The following PALLD variants were observed in gnomAD, a reference collection of about 807,000 sequenced individuals.
The protein encoded by PALLD is palladin, cytoskeletal associated protein.
Under a neutral mutation model 123.5 loss-of-function variants are expected in PALLD, and 61 were observed. The ratio of observed to expected loss-of-function variants is 0.49; its 90% CI spans 0.40 to 0.61. PALLD has a LOEUF of 0.61. Ranked by LOEUF, PALLD falls within the 20% of genes least tolerant of loss-of-function variation. The pLI, the probability that PALLD is intolerant of heterozygous loss-of-function variation, is 0.00. For synonymous variants in PALLD, 465 were observed against 496.4 expected (o/e 0.94, Z 0.84); for missense variants, 1,273 against 1,377.0 (o/e 0.92, Z 1.20).
intron 2 of PALLD, chr4:168,631,852 A>G (rs938819207): frequency 1.0e-6 from 1 of 985,380 alleles, no homozygotes; most frequent in Non-Finnish European, 1.2e-6. Flanking sequence ...AAGACCCCCA[A>G]GAGGAGCTTG....
chr4:168,568,639 A>G (rs1768655719), intron 2 of PALLD, among the ~76,000 whole-genome samples: 1 of 152,022 alleles, frequency 6.6e-6, no homozygotes, highest in South Asian at 2.1e-4. Context: ...CACTTTAGTG[A>G]TGGGGTTTGT....
At chr4:168,774,727 C>CAAA (rs56364164) in intron 10 of PALLD, among the ~76,000 whole-genome samples, 1 of 73,226 alleles carries the variant, frequency 1.4e-5, no homozygotes, top group Non-Finnish European at 2.6e-5. Flanking sequence ...GACTGCATCT[C>CAAA]AAAAAAAAAA....
intron 2 of PALLD, among the ~76,000 whole-genome samples, chr4:168,570,123 A>T (rs1400822134): frequency 6.6e-6 from 1 of 152,204 alleles, no homozygotes; most frequent in Non-Finnish European, 1.5e-5. Context: ...TTATTTACCG[A>T]GTACAAAGTA....
chr4:168,519,194 T>C (rs543521216), intron 2 of PALLD, among the ~76,000 whole-genome samples: 31 of 152,298 alleles, frequency 2.0e-4, no homozygotes, highest in Middle Eastern at 3.4e-3. Flanking sequence ...CAGTAACCTT[T>C]GAGATGAAGC....
intron 10 of PALLD, among the ~76,000 whole-genome samples, chr4:168,796,200 A>G (rs1738479345): frequency 6.6e-6 from 1 of 151,916 alleles, no homozygotes; most frequent in Admixed American, 6.6e-5. Flanking sequence ...CTTGCCCCCC[A>G]CTGTCCTTCC....
intron 2 of PALLD, among the ~76,000 whole-genome samples, chr4:168,560,720 G>T (rs1314034436): frequency 2.0e-5 from 3 of 152,156 alleles, no homozygotes; most frequent in Non-Finnish European, 1.5e-5. Context: ...TGAGTTCCTA[G>T]TAAGTGCCAG....
At chr4:168,503,407 T>C (rs1445001727) in intron 1 of PALLD, among the ~76,000 whole-genome samples, 1 of 152,088 alleles carries the variant, frequency 6.6e-6, no homozygotes. Context: ...CCCAGCACTT[T>C]GGGAGGCCAA....
chr4:168,520,939 T>C (rs988994248), intron 2 of PALLD, among the ~76,000 whole-genome samples: 3 of 152,240 alleles, frequency 2.0e-5, no homozygotes, highest in Non-Finnish European at 4.4e-5. Context: ...TAGTCATGAG[T>C]AGCAGTAGCT....
chr4:168,640,802 G>T (rs1324184694), intron 2 of PALLD, among the ~76,000 whole-genome samples: 1 of 152,220 alleles, frequency 6.6e-6, no homozygotes, highest in Non-Finnish European at 1.5e-5. Context: ...GCCCAGATTA[G>T]TACTTATGTT....
At chr4:168,651,587 C>G (rs1052230080) in intron 2 of PALLD, among the ~76,000 whole-genome samples, 1 of 150,372 alleles carries the variant, frequency 6.7e-6, no homozygotes, top group Non-Finnish European at 1.5e-5. Flanking sequence ...CTTTTTTTTT[C>G]CCCCCCGCAA....
chr4:168,890,824 A>G (rs1270241977), intron 10 of PALLD, 98 bp from the exon 11 acceptor site: 2 of 1,216,224 alleles, frequency 1.6e-6, no homozygotes, highest in East Asian at 2.3e-5. Flanking sequence ...TGGGAGTGAC[A>G]TGCTGATACC....
In PALLD at chr4:168,688,595, G is replaced by T. The variant is rs140760972; in HGVS notation, c.1336-2008G>T. Among the ~76,000 whole-genome samples the T allele has an allele frequency of 3.9e-5, 6 of 152,274 alleles. 1 individual carries two copies. The highest frequency in any genetic ancestry group is 1.4e-4 in the African/African-American group (6 of 41,552). On this transcript the variant is annotated intron_variant, in intron 6 of 21. Transcript: ENST00000505667. ...AAAGGTTGACTTTCAGTCTCCTTTGGGGCTCCTTGTTATGTTCCCGAAGGT... is the reference window on the plus strand; with the variant it reads ...AAAGGTTGACTTTCAGTCTCCTTTGTGGCTCCTTGTTATGTTCCCGAAGGT...
At chr4:168,840,496 T>C (rs533831249) in intron 10 of PALLD, among the ~76,000 whole-genome samples, 4 of 152,204 alleles carry the variant, frequency 2.6e-5, no homozygotes, top group East Asian at 1.9e-4. Flanking sequence ...CATTGTAATA[T>C]CAGTTCATCT....
rs116576680 is a variant in PALLD at position 168,536,129 on chromosome 4, T to G, written c.908+23717T>G. On this transcript the variant is annotated intron_variant, in intron 2 of 21. Coordinates refer to ENST00000505667, the MANE Select transcript of PALLD (RefSeq NM_001166108.2). The stretch of plus-strand genomic sequence containing the variant: ...TTTGTTCAAGTGTTCATTTTAATAA[T>G]CTAATTATTCCAGATCTATGACTCC... 1.8e-3 allele frequency among the ~76,000 whole-genome samples: 280 copies of G among 152,302 alleles called. 1 individual carries two copies. Among genetic ancestry groups the G allele is most frequent in the African/African-American group, 6.4e-3 (265 of 41,562 alleles).
intron 10 of PALLD, among the ~76,000 whole-genome samples, chr4:168,825,302 T>C (rs761738707): frequency 2.0e-5 from 3 of 152,244 alleles, no homozygotes; most frequent in Admixed American, 6.5e-5. Context: ...CATTTCCATA[T>C]TGGAGTCTAG....
At chr4:168,561,624 C>A (rs1767877789) in intron 2 of PALLD, among the ~76,000 whole-genome samples, 1 of 152,172 alleles carries the variant, frequency 6.6e-6, no homozygotes, top group Admixed American at 6.5e-5. Context: ...AAAATATATT[C>A]AAAACATATT....
intron 12 of PALLD, among the ~76,000 whole-genome samples, chr4:168,895,823 T>C (rs1056787070): frequency 9.2e-5 from 14 of 152,394 alleles, no homozygotes; most frequent in African/African-American, 2.6e-4. Context: ...ATTATCTCTT[T>C]ATCTTCTTTC....
chr4:168,576,378 G>A (rs537530555), intron 2 of PALLD, among the ~76,000 whole-genome samples: 19 of 151,148 alleles, frequency 1.3e-4, no homozygotes, highest in African/African-American at 3.9e-4. Context: ...AATGCTATCC[G>A]TCCCCCCTCC....
intron 2 of PALLD, among the ~76,000 whole-genome samples, chr4:168,604,290 C>T (rs1250582231): frequency 6.6e-6 from 1 of 152,262 alleles, no homozygotes; most frequent in East Asian, 1.9e-4. Flanking sequence ...CAAGAGTAAA[C>T]CAGATATCCA....
Sources: allele counts gnomAD v4.1 joint callset (sites outside exome capture counted in the v4.1 genomes callset), GRCh38; gene constraint gnomAD v4.1.1; transcripts MANE v1.5; gene names NCBI Gene and HGNC (gene_info 2026-07-23, HGNC 2026-07-21).